The following TMPRSS6 variants were observed in gnomAD, a reference collection of about 807,000 sequenced individuals.
TMPRSS6 encodes the protein transmembrane protease serine 6.
In TMPRSS6, 67 loss-of-function variants were observed where a neutral mutation model predicts 101.5. The ratio of observed to expected loss-of-function variants is 0.66; its 90% CI spans 0.54 to 0.81. TMPRSS6 has a LOEUF of 0.81. Ranked by LOEUF, TMPRSS6 falls within the 30% of genes least tolerant of loss-of-function variation. The pLI, the probability that TMPRSS6 is intolerant of heterozygous loss-of-function variation, is 0.00. For synonymous variants in TMPRSS6, 453 were observed against 464.9 expected, an observed-to-expected ratio of 0.97 and a Z score of 0.33; for missense variants, 1,034 against 1,088.7, an observed-to-expected ratio of 0.95 and a Z score of 0.71.
In TMPRSS6 at chr22:37,070,828, G is replaced by T. The variant is rs958616194; in HGVS notation, c.1672+88C>A. ...AGGATGAGATAGAGAGAGACCAGGG[G>T]ACAACAGTGAGATTTCCCTCCAGCT... On this transcript the variant is annotated intron_variant, in intron 14 of 17. Coordinates refer to ENST00000676104, the MANE Select transcript of TMPRSS6 (RefSeq NM_001374504.1). 8.2e-5 allele frequency: 116 copies of T among 1,411,842 alleles called. 1 individual carries two copies. The South Asian group carries it at 1.3e-3, about 16-fold the overall frequency. 87.5% of individuals were successfully genotyped at this position (1,411,842 alleles called of 1,614,324 possible).
At chr22:37,094,231 A>C (rs1403185734) in intron 6 of TMPRSS6, among the ~76,000 whole-genome samples, 5 of 152,166 alleles carry the variant, frequency 3.3e-5, no homozygotes, top group Admixed American at 3.3e-4. Context: ...GTTAACTTTC[A>C]GAAGACTGTA....
intron 10 of TMPRSS6, among the ~76,000 whole-genome samples, chr22:37,078,997 G>GAAAGAAAGAAAGAAAGAA (rs1569006266): frequency 1.3e-5 from 2 of 150,266 alleles, no homozygotes. Flanking sequence ...AAGAAAGAAA[G>GAAAGAAAGAAAGAAAGAA]AAAGAAAGAA....
chr22:37,098,369 T>G, intron 3 of TMPRSS6, 47 bp downstream of exon 3: 1 of 1,611,056 alleles, frequency 6.2e-7, no homozygotes, highest in Non-Finnish European at 8.5e-7. Flanking sequence ...ACCCCTCTCT[T>G]TTCACCCCCA....
In TMPRSS6 at chr22:37,069,015, T is replaced by C. The variant is rs941494732; in HGVS notation, c.2113+58A>G. ...CCCCGCCCTTCTCCAGGCCAGGTGT[T>C]ACGGCGCAGATCCGCACGGTCTCCC... On this transcript the variant is annotated intron_variant, in intron 16 of 17. Coordinates refer to ENST00000676104, the MANE Select transcript of TMPRSS6 (RefSeq NM_001374504.1). The surrounding 1 kb of genome is among the most constrained non-coding windows in gnomAD (Gnocchi z 4.8). The C allele has an allele frequency of 3.3e-6, 5 of 1,529,162 alleles. No homozygotes were observed. The highest frequency in any genetic ancestry group is 2.0e-5 in the Admixed American group (1 of 50,548). The allele number at this position is 1,529,162 out of a possible 1,614,324, so 94.7% of individuals were successfully genotyped here.
At position 37,069,033 on chromosome 22, in the gene TMPRSS6, G is replaced by A; in HGVS notation, c.2113+40C>T. 6.5e-7 allele frequency: 1 copy of A among 1,533,308 alleles called. No homozygotes were observed. The highest frequency in any genetic ancestry group is 1.2e-5 in the South Asian group (1 of 83,800). 95.0% of individuals were successfully genotyped at this position (1,533,308 alleles called of 1,614,324 possible). A position where few individuals can be genotyped will look rare whatever the true frequency, so the allele number is the denominator to read the frequency against. ...CAGGTGTTACGGCGCAGATCCGCAC[G>A]GTCTCCCTCCGCCTCCCGCCGCAAG... On this transcript the variant is annotated intron_variant, in intron 16 of 17. Coordinates refer to ENST00000676104, the MANE Select transcript of TMPRSS6 (RefSeq NM_001374504.1). The surrounding 1 kb of genome is among the most constrained non-coding windows in gnomAD (Gnocchi z 4.8).
intron 9 of TMPRSS6, 24 bp downstream of exon 9, chr22:37,084,703 T>C (rs756992896): frequency 6.5e-7 from 1 of 1,537,824 alleles, no homozygotes; most frequent in South Asian, 1.2e-5. Context: ...AGAGGGCAGG[T>C]GGGCAGGCAG....
intron 1 of TMPRSS6, among the ~76,000 whole-genome samples, chr22:37,105,210 G>A (rs1290406777): frequency 5.3e-5 from 8 of 152,102 alleles, no homozygotes; most frequent in African/African-American, 1.2e-4. Flanking sequence ...TCTGTTGAGC[G>A]GCCCCCATCA....
intron 10 of TMPRSS6, among the ~76,000 whole-genome samples, chr22:37,080,958 G>A (rs992996774): frequency 2.0e-5 from 3 of 152,278 alleles, no homozygotes; most frequent in Non-Finnish European, 2.9e-5. Context: ...ATGGATGTAC[G>A]CACGCACACA....
intron 13 of TMPRSS6, among the ~76,000 whole-genome samples, chr22:37,072,784 TGGAC>T (rs1398726058): frequency 2.9e-5 from 4 of 136,466 alleles, no homozygotes; most frequent in East Asian, 2.3e-4. Flanking sequence ...GGATGGATGA[TGGAC>T]GGATGGATGA....
In TMPRSS6 at chr22:37,084,398, A is replaced by G. The variant is rs1319878040; in HGVS notation, c.1093T>C (p.Ser365Pro). 6.2e-7 allele frequency: 1 copy of G among 1,611,638 alleles called. No homozygotes were observed. Among genetic ancestry groups the G allele is most frequent in the East Asian group, 2.2e-5 (1 of 44,778 alleles). ...CAGAGGGCCAAGCCGTAGTCCAGAG[A>G]GGGCACCTGGGAGGGAGGAGCGGGC... is the stretch of plus-strand genomic sequence containing the variant. ...THCSWHLTVP[S>P]LDYGLALWFD... The change falls in exon 10 of 18, where the codon TCT becomes CCT. Residue 365 changes from serine (S) to proline (P), a missense_variant. Coordinates refer to ENST00000676104, the MANE Select transcript of TMPRSS6 (RefSeq NM_001374504.1).
At chr22:37,071,819 T>C (rs1926936796) in intron 13 of TMPRSS6, among the ~76,000 whole-genome samples, 1 of 152,064 alleles carries the variant, frequency 6.6e-6, no homozygotes, top group African/African-American at 2.4e-5. Flanking sequence ...GACAGACAGC[T>C]AGAAGGTTGG....
At position 37,103,454 on chromosome 22, in the gene TMPRSS6, C is replaced by T. The variant is rs549729568; in HGVS notation, c.-1-36G>A. Reference sequence around the variant, plus strand: ...AACAGACCAAAGTTGGAAACAGCCTCGCATTTGCAAGGGAGCCTCTGCTGA... The same window carrying T: ...AACAGACCAAAGTTGGAAACAGCCTTGCATTTGCAAGGGAGCCTCTGCTGA... On this transcript the variant is annotated intron_variant, in intron 1 of 17. Coordinates refer to ENST00000676104, the MANE Select transcript of TMPRSS6 (RefSeq NM_001374504.1). The surrounding 1 kb of genome is among the most constrained non-coding windows in gnomAD (Gnocchi z 4.4). The T allele has an allele frequency of 8.1e-5, 131 of 1,614,220 alleles. No homozygotes were observed. The South Asian group carries it at 1.2e-3, about 14-fold the overall frequency.
At chr22:37,083,085 C>T (rs982770822) in intron 10 of TMPRSS6, 26 of 470,926 alleles carry the variant, frequency 5.5e-5, no homozygotes, top group Non-Finnish European at 9.2e-5. Flanking sequence ...GATATTCAAA[C>T]TCTGTGAAAT....
intron 1 of TMPRSS6, among the ~76,000 whole-genome samples, chr22:37,107,989 G>A (rs1450408291): frequency 6.6e-6 from 1 of 152,172 alleles, no homozygotes. Context: ...TGAATGACAA[G>A]GTCCCAGCTC....
In TMPRSS6 at chr22:37,078,953, AAAAGAGAAAG is replaced by A. The variant is rs1569005822; in HGVS notation, c.1197-3683_1197-3674del. ...AGGAAGAAGGAGAAGGAGAAGGAGA[AAAAGAGAAAG>A]AAAGAAAGAAAAAGAAAGAAAGAAA... On this transcript the variant is annotated intron_variant, in intron 10 of 17. Coordinates refer to ENST00000676104, the MANE Select transcript of TMPRSS6 (RefSeq NM_001374504.1). Among the ~76,000 whole-genome samples the A allele has an allele frequency of 1.1e-3, 121 of 111,816 alleles. 3 individuals carry two copies. The highest frequency in any genetic ancestry group is 4.0e-3 in the South Asian group (13 of 3,242). The allele number at this position is 111,816 out of a possible 152,430, so 73.4% of individuals were successfully genotyped here. A position where few individuals can be genotyped will look rare whatever the true frequency, so the allele number is the denominator to read the frequency against.
Position 37,069,021 on chromosome 22 carries a change from G to C in TMPRSS6, c.2113+52C>G. On this transcript the variant is annotated intron_variant, in intron 16 of 17. Coordinates refer to ENST00000676104, the MANE Select transcript of TMPRSS6 (RefSeq NM_001374504.1). The surrounding 1 kb of genome is among the most constrained non-coding windows in gnomAD (Gnocchi z 4.8). ...CCTTCTCCAGGCCAGGTGTTACGGC[G>C]CAGATCCGCACGGTCTCCCTCCGCC... The C allele has an allele frequency of 6.5e-7, 1 of 1,531,800 alleles. No individual in the cohort carries two copies. Among genetic ancestry groups the C allele is most frequent in the Non-Finnish European group, 8.7e-7 (1 of 1,145,604 alleles). 94.9% of individuals were successfully genotyped at this position (1,531,800 alleles called of 1,614,324 possible). A position where few individuals can be genotyped will look rare whatever the true frequency, so the allele number is the denominator to read the frequency against.
At position 37,070,947 on chromosome 22, in the gene TMPRSS6, G is replaced by A. The variant is rs148454867; in HGVS notation, c.1641C>T (p.Asp547=). Residue 547 remains aspartate (D), a synonymous_variant, in exon 14 of 18, where the codon GAC becomes GAT. Coordinates refer to ENST00000676104, the MANE Select transcript of TMPRSS6 (RefSeq NM_001374504.1). ...GCTCCTCATCCGAGCCGTCCCTGCAGTCGGGCCGCCCATCACACTGCGGGT... is the reference window on the plus strand; with the variant it reads ...GCTCCTCATCCGAGCCGTCCCTGCAATCGGGCCGCCCATCACACTGCGGGT... ...KPNPQCDGRP[D]CRDGSDEEHC... The A allele has an allele frequency of 5.0e-6, 8 of 1,613,186 alleles. No homozygotes were observed. The highest frequency in any genetic ancestry group is 5.1e-6 in the Non-Finnish European group (6 of 1,179,998).
At position 37,096,805 on chromosome 22, in the gene TMPRSS6, C is replaced by G; in HGVS notation, c.337-90G>C. 5 of 1,256,804 alleles carry G rather than the reference C, an allele frequency of 4.0e-6. No individual in the cohort carries two copies. The South Asian group carries it at 6.4e-5, about 16-fold the overall frequency. The allele number at this position is 1,256,804 out of a possible 1,614,324, so 77.9% of individuals were successfully genotyped here. The stretch of plus-strand genomic sequence containing the variant: ...TGGAGGTGCCCTTTGCTCCTACTGG[C>G]AGCCCCGCTCCATGCATGATTCTCC... On this transcript the variant is annotated intron_variant, in intron 3 of 17. Coordinates refer to ENST00000676104, the MANE Select transcript of TMPRSS6 (RefSeq NM_001374504.1).
At chr22:37,088,310 G>C (rs1319434084) in intron 7 of TMPRSS6, among the ~76,000 whole-genome samples, 1 of 152,136 alleles carries the variant, frequency 6.6e-6, no homozygotes, top group African/African-American at 2.4e-5. Context: ...AGAGGCCCTG[G>C]GGGAGGGGTG....
Sources: allele counts gnomAD v4.1 joint callset (sites outside exome capture counted in the v4.1 genomes callset), GRCh38; gene constraint gnomAD v4.1.1; non-coding constraint Gnocchi (gnomAD v3.1); transcripts MANE v1.5; gene names NCBI Gene and HGNC (gene_info 2026-07-23, HGNC 2026-07-21).